Variants in ANKRD31 observed in about 807,000 individuals in gnomAD.
The protein encoded by ANKRD31 is ankyrin repeat domain-containing protein 31.
A neutral mutation model predicts 186.0 loss-of-function variants in ANKRD31; 147 were observed. The observed-to-expected ratio is 0.79, with a 90% CI of 0.69 to 0.91. The LOEUF (loss-of-function observed/expected upper bound fraction) is 0.91, where lower values mean the gene tolerates loss of function less well. ANKRD31 is among the 40% of genes least tolerant of loss of function. ANKRD31 has a pLI of 0.00. For synonymous variants in ANKRD31, 673 were observed against 736.4 expected (o/e 0.91, Z 1.39); for missense variants, 1,986 against 2,148.8 (o/e 0.92, Z 1.50).
At chr5:75,136,063 G>C (rs74719230) in intron 17 of ANKRD31, among the ~76,000 whole-genome samples, 77,129 of 151,522 alleles carry the variant, frequency 0.51, 22,608 homozygotes, top group African/African-American at 0.82. Flanking sequence ...CATAAAAACC[G>C]CAGAAAACCT....
At chr5:75,230,786 G>C (rs1411644659) in intron 1 of ANKRD31, among the ~76,000 whole-genome samples, 151 bp from the exon 2 acceptor site, 1 of 152,102 alleles carries the variant, frequency 6.6e-6, no homozygotes, top group Non-Finnish European at 1.5e-5. Context: ...ATTCAGAAAT[G>C]TACATTTTGA....
At chr5:75,088,361 C>G (rs1333263519) in intron 23 of ANKRD31, among the ~76,000 whole-genome samples, 1 of 152,222 alleles carries the variant, frequency 6.6e-6, no homozygotes, top group African/African-American at 2.4e-5. Flanking sequence ...CAGAAGAGAT[C>G]TGTCTAGTGT....
chr5:75,216,249 A>C (rs549706355), intron 3 of ANKRD31, among the ~76,000 whole-genome samples: 1 of 152,278 alleles, frequency 6.6e-6, no homozygotes, highest in Non-Finnish European at 1.5e-5. Flanking sequence ...TTCCAAGCTG[A>C]CTGAATATTA....
rs765603500 is a variant in ANKRD31, at chr5:75,104,930, T to G, written c.4629A>C (p.Gln1543His). The change falls in exon 22 of 26, where the codon CAA (glutamine) becomes CAC (histidine). Residue 1543 changes from glutamine (Q) to histidine (H), a missense_variant. Gln to His is a conservative substitution (Grantham distance 24). Coordinates refer to ENST00000506364, the MANE Select transcript of ANKRD31 (RefSeq NM_001372053.1). ...TGTAGTTCCAAGTTTCCAGAGACAA[T>G]TGTGTTTCCTGCATGCTTCCAGAAA... ...SPVSGSMQET[Q>H]LSLETWNYSQ... The G allele has an allele frequency of 5.1e-5, 78 of 1,537,170 alleles. No individual in the cohort carries two copies. Among genetic ancestry groups the G allele is most frequent in the Non-Finnish European group, 6.5e-5 (75 of 1,146,890 alleles).
intron 17 of ANKRD31, among the ~76,000 whole-genome samples, chr5:75,133,627 A>T (rs1214515353): frequency 6.6e-6 from 1 of 152,216 alleles, no homozygotes; most frequent in Non-Finnish European, 1.5e-5. Flanking sequence ...GTTAACAAGG[A>T]TATCCAGGAA....
intron 19 of ANKRD31, among the ~76,000 whole-genome samples, chr5:75,116,298 C>G (rs1202111554): frequency 6.6e-6 from 1 of 150,954 alleles, no homozygotes; most frequent in Non-Finnish European, 1.5e-5. Flanking sequence ...TTGGGAGATA[C>G]ACCTAATGCT....
At position 75,138,896 on chromosome 5, in the gene ANKRD31, A is replaced by G; in HGVS notation, c.3683T>C (p.Val1228Ala). The G allele has an allele frequency of 6.5e-7, 1 of 1,536,830 alleles. No homozygotes were observed. Among genetic ancestry groups the G allele is most frequent in the Non-Finnish European group, 8.7e-7 (1 of 1,146,638 alleles). ...TGCTCCAGATTCTATCAGGGCTTTC[A>G]CTAGGGGCAGATTTCCTCTTCTGAC... ...LAVRRGNLPL[V>A]KALIESGADV... The change falls in exon 16 of 26, where the codon GTG becomes GCG. Residue 1228 changes from valine (V) to alanine (A), a missense_variant. Transcript: ENST00000506364.
chr5:75,138,031 C>T, intron 16 of ANKRD31, 33 bp from the exon 17 acceptor site: 1 of 1,424,932 alleles, frequency 7.0e-7, no homozygotes, highest in South Asian at 1.7e-5. Context: ...AAAAACCCTG[C>T]TTCATGCGAA....
In ANKRD31 at chr5:75,105,058, T is replaced by C. The variant is rs1747218635; in HGVS notation, c.4501A>G (p.Arg1501Gly). The change falls in exon 22 of 26, where the codon AGG (arginine) becomes GGG (glycine). Residue 1501 changes from arginine (R) to glycine (G), a missense_variant. Physicochemically the swap from Arg to Gly is moderately radical, Grantham distance 125. Coordinates refer to ENST00000506364, the MANE Select transcript of ANKRD31 (RefSeq NM_001372053.1). ...NVTSLPCLSL[R>G]KLPPRSEISS... Reference sequence around the variant, plus strand: ...ATTTCTGATCTGGGTGGGAGCTTCCTTAAACTAAGACAAGGCAATGATGTA... The same window carrying C: ...ATTTCTGATCTGGGTGGGAGCTTCCCTAAACTAAGACAAGGCAATGATGTA... The C allele has an allele frequency of 3.9e-6, 6 of 1,536,900 alleles. No individual in the cohort carries two copies. The highest frequency in any genetic ancestry group is 4.4e-6 in the Non-Finnish European group (5 of 1,146,848).
rs73763008 is a variant in ANKRD31, at chr5:75,162,781, T to G, written c.1707+6198A>C. ...GTTATGTTTTAATGAAAAATCTACTTAGATACCACAGCCCAGGTGCTAGGT... is the reference window on the plus strand; with the variant it reads ...GTTATGTTTTAATGAAAAATCTACTGAGATACCACAGCCCAGGTGCTAGGT... On this transcript the variant is annotated intron_variant, in intron 11 of 25. Transcript: ENST00000506364. Among the ~76,000 whole-genome samples the G allele has an allele frequency of 1.1e-3, 160 of 152,290 alleles. 1 individual carries two copies. The highest frequency in any genetic ancestry group is 3.5e-3 in the African/African-American group (147 of 41,556).
At chr5:75,175,777 A>C (rs774791774) in intron 10 of ANKRD31, among the ~76,000 whole-genome samples, 21 of 152,192 alleles carry the variant, frequency 1.4e-4, no homozygotes, top group Non-Finnish European at 2.2e-4. Flanking sequence ...CCGAACAGGA[A>C]CAGCTCCAGT....
chr5:75,127,618 C>G (rs1749355729), intron 17 of ANKRD31, among the ~76,000 whole-genome samples: 1 of 152,158 alleles, frequency 6.6e-6, no homozygotes, highest in Non-Finnish European at 1.5e-5. Context: ...CTATTTTAAG[C>G]TATTTTGAGT....
chr5:75,163,751 T>C (rs1752731940), intron 11 of ANKRD31, among the ~76,000 whole-genome samples: 2 of 152,178 alleles, frequency 1.3e-5, no homozygotes, highest in African/African-American at 2.4e-5. Context: ...ATCAATAGTA[T>C]GATCAAAGGT....
chr5:75,222,129 A>G (rs2161370), intron 3 of ANKRD31, 120 bp downstream of exon 3: 149,207 of 641,032 alleles, frequency 0.23, 18,531 homozygotes, highest in South Asian at 0.4. Flanking sequence ...GTAAAAATTA[A>G]TAAGAAAAGA....
intron 25 of ANKRD31, among the ~76,000 whole-genome samples, chr5:75,077,753 G>A (rs376964100): frequency 3.3e-5 from 5 of 151,740 alleles, no homozygotes; most frequent in Admixed American, 6.6e-5. Flanking sequence ...GTGAAACCCC[G>A]TCTCTACTAA....
At chr5:75,194,167 A>G (rs993168375) in intron 7 of ANKRD31, among the ~76,000 whole-genome samples, 7 of 152,112 alleles carry the variant, frequency 4.6e-5, no homozygotes, top group Admixed American at 1.3e-4. Context: ...GCTTACTTAC[A>G]TATCCGTCTT....
At chr5:75,219,697 A>T (rs1311128369) in intron 3 of ANKRD31, among the ~76,000 whole-genome samples, 1 of 152,216 alleles carries the variant, frequency 6.6e-6, no homozygotes, top group African/African-American at 2.4e-5. Flanking sequence ...GGCAATCCTA[A>T]GCAAAAGAAA....
intron 17 of ANKRD31, among the ~76,000 whole-genome samples, chr5:75,137,223 GA>G (rs1750659094): frequency 6.6e-6 from 1 of 152,062 alleles, no homozygotes; most frequent in South Asian, 2.1e-4. Flanking sequence ...AGTAACAATA[GA>G]AAAAATTATT....
At chr5:75,109,529 C>G (rs959201687) in intron 20 of ANKRD31, among the ~76,000 whole-genome samples, 1 of 152,176 alleles carries the variant, frequency 6.6e-6, no homozygotes, top group Non-Finnish European at 1.5e-5. Flanking sequence ...TTCTTTACCT[C>G]AAGCCTAATA....
Sources: allele counts gnomAD v4.1 joint callset (sites outside exome capture counted in the v4.1 genomes callset), GRCh38; gene constraint gnomAD v4.1.1; transcripts MANE v1.5; gene names NCBI Gene and HGNC (gene_info 2026-07-23, HGNC 2026-07-21).